RC3H1: variants seen among roughly 807,000 people sequenced by gnomAD.
RC3H1 encodes the protein ring finger and CCCH-type domains 1.
Under a neutral mutation model 138.2 loss-of-function variants are expected in RC3H1, and 50 were observed. The ratio of observed to expected loss-of-function variants is 0.36; its 90% CI spans 0.29 to 0.46. The LOEUF (loss-of-function observed/expected upper bound fraction) is 0.46. RC3H1 is among the 20% of genes least tolerant of loss of function. The pLI, the probability that RC3H1 is intolerant of heterozygous loss-of-function variation, is 1.00. For synonymous variants in RC3H1, 462 were observed against 489.1 expected (o/e 0.94, Z 0.73); for missense variants, 1,031 against 1,388.1 (o/e 0.74, Z 4.09).
chr1:173,935,774 T>C lies in RC3H1; in HGVS notation c.*2947A>G, dbSNP rs1244972009. 1.3e-5 allele frequency: 2 copies of C among 152,158 alleles called. No homozygotes were observed. Among genetic ancestry groups the C allele is most frequent in the African/African-American group, 4.8e-5 (2 of 41,440 alleles). 9.4% of individuals were successfully genotyped at this position (152,158 alleles called of 1,614,324 possible). On this transcript the variant is annotated 3_prime_UTR_variant, in exon 20 of 20. Coordinates refer to ENST00000367696, the MANE Select transcript of RC3H1 (RefSeq NM_172071.4). ...GTTAGTGAATTCCTAAAACCGCTGATGAGCACTAGGAAAGCTGCAAGAATT... is the reference window on the plus strand; with the variant it reads ...GTTAGTGAATTCCTAAAACCGCTGACGAGCACTAGGAAAGCTGCAAGAATT...
At chr1:173,990,748 G>A (rs866866187) in intron 2 of RC3H1, among the ~76,000 whole-genome samples, 3 of 151,824 alleles carry the variant, frequency 2.0e-5, no homozygotes, top group Non-Finnish European at 4.4e-5. Context: ...GACTACAGGC[G>A]CCTGCAACCA....
chr1:174,012,833 A>T (rs1027018366), intron 1 of RC3H1, among the ~76,000 whole-genome samples: 5 of 151,686 alleles, frequency 3.3e-5, no homozygotes, highest in African/African-American at 1.2e-4. Context: ...GAATAAGGAG[A>T]TCTAGATTCT....
chr1:174,017,153 C>A lies in RC3H1; in HGVS notation c.-151+4943G>T, dbSNP rs192090085. Among the ~76,000 whole-genome samples the A allele has an allele frequency of 2.5e-3, 388 of 152,304 alleles. 3 individuals carry two copies. Among genetic ancestry groups the A allele is most frequent in the Non-Finnish European group, 3.5e-3 (235 of 68,022 alleles). The stretch of plus-strand genomic sequence containing the variant: ...TTCCCAGTGTAACTTCAAATAAATC[C>A]TTTGTGAATATTCCTAGTTTCTTCT... On this transcript the variant is annotated intron_variant, in intron 1 of 19. Transcript: ENST00000367696.
chr1:173,953,135 T>C (rs369911261), intron 13 of RC3H1, among the ~76,000 whole-genome samples: 1 of 152,174 alleles, frequency 6.6e-6, no homozygotes, highest in South Asian at 2.1e-4. Context: ...CAATCACTCT[T>C]CTGTCTCTAT....
In RC3H1 at chr1:173,931,785, T is replaced by C. The variant is rs1014878471; in HGVS notation, c.*6936A>G. On this transcript the variant is annotated 3_prime_UTR_variant, in exon 20 of 20. Transcript: ENST00000367696. ...CACAGCCTGTGAAATTCCAATCCATTTGTCTTCACCATTCCAACCTATTTG... is the reference window on the plus strand; with the variant it reads ...CACAGCCTGTGAAATTCCAATCCATCTGTCTTCACCATTCCAACCTATTTG... 2.0e-5 allele frequency: 3 copies of C among 152,196 alleles called. No homozygotes were observed. Among genetic ancestry groups the C allele is most frequent in the Admixed American group, 2.0e-4 (3 of 15,274 alleles). The allele number at this position is 152,196 out of a possible 1,614,324, so 9.4% of individuals were successfully genotyped here.
chr1:174,020,722 T>C (rs935785091), intron 1 of RC3H1, among the ~76,000 whole-genome samples: 2 of 152,156 alleles, frequency 1.3e-5, no homozygotes, highest in African/African-American at 4.8e-5. Context: ...AAAAATTAAG[T>C]TTAAGGCTGA....
rs1455639757 is a variant in RC3H1, at chr1:173,961,891, G to A, written c.2036C>T (p.Pro679Leu). ...HYDGRRVYPA[P>L]SYTREEIFRE... ...GAATATCTCTTCTCTTGTGTAAGAC[G>A]GAGCAGGGTACACTCGACGGCCATC... is the stretch of plus-strand genomic sequence containing the variant. Residue 679 changes from proline (P) to leucine (L), a missense_variant, in exon 12 of 20, where the codon CCG becomes CTG. Coordinates refer to ENST00000367696, the MANE Select transcript of RC3H1 (RefSeq NM_172071.4). 15 of 1,613,980 alleles carry A rather than the reference G, an allele frequency of 9.3e-6. No individual in the cohort carries two copies. Among genetic ancestry groups the A allele is most frequent in the East Asian group, 2.2e-5 (1 of 44,892 alleles).
rs1170696954 is a variant in RC3H1, at chr1:173,964,153, G to A, written c.1651C>T (p.Pro551Ser). ...GGAGGTATAGAATGTGGATTCACAG[G>A]TAAGGCAGAAATACTCTTAGGAACA... Reference protein sequence around the residue: ...ESVPKSISALPVNPHSIPPRG... With the variant: ...ESVPKSISALSVNPHSIPPRG... Residue 551 changes from proline (P) to serine (S), a missense_variant, in exon 11 of 20, where the codon CCT becomes TCT. By Grantham distance (74) the Pro-to-Ser change is moderately conservative. Transcript: ENST00000367696. 1 of 1,613,974 alleles carries A rather than the reference G, an allele frequency of 6.2e-7. No individual in the cohort carries two copies. Among genetic ancestry groups the A allele is most frequent in the East Asian group, 2.2e-5 (1 of 44,876 alleles).
chr1:173,960,742 T>C (rs1229032361), intron 13 of RC3H1, among the ~76,000 whole-genome samples: 1 of 152,064 alleles, frequency 6.6e-6, no homozygotes, highest in African/African-American at 2.4e-5. Flanking sequence ...GGTTCAAGGA[T>C]AGAAATAGAC....
At chr1:174,017,696 T>C (rs1412562852) in intron 1 of RC3H1, among the ~76,000 whole-genome samples, 3 of 149,958 alleles carry the variant, frequency 2.0e-5, no homozygotes, top group African/African-American at 7.4e-5. Flanking sequence ...TACTTTAAAA[T>C]GGTTAATGTT....
rs1557947998 is a variant in RC3H1 at position 173,992,950 on chromosome 1, G to A, written c.36C>T (p.Leu12=). The part of the protein sequence containing the change: ...PVQAPQWTDF[L]SCPICTQTFD... The stretch of plus-strand genomic sequence containing the variant: ...AAGTCTGAGTGCAAATTGGGCAGGA[G>A]AGGAAATCCGTCCATTGTGGAGCTT... The change falls in exon 2 of 20, where the codon CTC becomes CTT. Residue 12 remains leucine, a synonymous_variant. Transcript: ENST00000367696. 1.2e-6 allele frequency: 2 copies of A among 1,614,082 alleles called. No individual in the cohort carries two copies. Among genetic ancestry groups the A allele is most frequent in the African/African-American group, 1.3e-5 (1 of 74,994 alleles).
At chr1:173,964,514 T>C (rs957889003) in intron 10 of RC3H1, among the ~76,000 whole-genome samples, 6 of 152,098 alleles carry the variant, frequency 3.9e-5, no homozygotes, top group Admixed American at 6.5e-5. Context: ...ATTACAGGCA[T>C]GTGCCACCAT....
At position 173,936,273 on chromosome 1, in the gene RC3H1, G is replaced by C. The variant is rs1658575736; in HGVS notation, c.*2448C>G. ...CAAGAATCATTCTGAATTCCAAAGT[G>C]AATCAACTGCTTCTAAAATTTAGGA... On this transcript the variant is annotated 3_prime_UTR_variant, in exon 20 of 20. Coordinates refer to ENST00000367696, the MANE Select transcript of RC3H1 (RefSeq NM_172071.4). 6.6e-6 allele frequency: 1 copy of C among 152,012 alleles called. No homozygotes were observed. Among genetic ancestry groups the C allele is most frequent in the African/African-American group, 2.4e-5 (1 of 41,384 alleles). The allele number at this position is 152,012 out of a possible 1,614,324, so 9.4% of individuals were successfully genotyped here.
At chr1:174,009,880 G>A (rs1661718877) in intron 1 of RC3H1, among the ~76,000 whole-genome samples, 1 of 152,102 alleles carries the variant, frequency 6.6e-6, no homozygotes, top group African/African-American at 2.4e-5. Context: ...CTATTTTTGA[G>A]TACACTCTAT....
chr1:173,965,449 G>A (rs146479086), intron 9 of RC3H1, among the ~76,000 whole-genome samples: 1,598 of 152,168 alleles, frequency 0.011, 114 homozygotes, highest in Admixed American at 0.098. Flanking sequence ...AAATTAGCTG[G>A]GTGTGGTGGC....
intron 18 of RC3H1, 40 bp downstream of exon 18, chr1:173,943,402 T>C: frequency 6.4e-7 from 1 of 1,564,264 alleles, no homozygotes; most frequent in Non-Finnish European, 8.7e-7. Context: ...ATGAAAGATT[T>C]CATTTCACCT....
At chr1:173,991,825 TA>T (rs1172710901) in intron 2 of RC3H1, among the ~76,000 whole-genome samples, 1 of 152,242 alleles carries the variant, frequency 6.6e-6, no homozygotes, top group South Asian at 2.1e-4. Context: ...TTATATATTT[TA>T]AAGTCTAATT....
In RC3H1 at chr1:173,975,266, T is replaced by C. The variant is rs1365312355; in HGVS notation, c.1103-2639A>G. ...GCCTGCCACCACGCCCAGCTAGTTT[T>C]TGTATTTTTAGTAGAGACGGGGTTT... is the stretch of plus-strand genomic sequence containing the variant. On this transcript the variant is annotated intron_variant, in intron 7 of 19. Coordinates refer to ENST00000367696, the MANE Select transcript of RC3H1 (RefSeq NM_172071.4). 2.0e-5 allele frequency among the ~76,000 whole-genome samples: 3 copies of C among 152,066 alleles called. No individual in the cohort carries two copies. In the East Asian group the frequency reaches 5.8e-4, roughly 30 times the overall value.
intron 5 of RC3H1, among the ~76,000 whole-genome samples, chr1:173,981,505 G>A (rs931996306): frequency 2.6e-5 from 4 of 152,036 alleles, no homozygotes; most frequent in African/African-American, 9.7e-5. Flanking sequence ...TCAGTTTAAG[G>A]TGTATGTGTG....
Sources: allele counts gnomAD v4.1 joint callset (sites outside exome capture counted in the v4.1 genomes callset), GRCh38; gene constraint gnomAD v4.1.1; transcripts MANE v1.5; gene names NCBI Gene and HGNC (gene_info 2026-07-23, HGNC 2026-07-21).